ATP9B: variants seen among roughly 807,000 people sequenced by gnomAD.
ATP9B encodes the protein ATPase phospholipid transporting 9B, also known as probable phospholipid-transporting ATPase IIB.
ATP9B carries 110 observed loss-of-function variants against 146.1 expected under a neutral mutation model. That is an observed-to-expected ratio of 0.75 (90% CI 0.65 to 0.88). ATP9B has a LOEUF of 0.88. Among genes scored for constraint, ATP9B ranks in the 40% least tolerant of loss-of-function variants. The probability of loss-of-function intolerance (pLI) is 0.00; values close to 1 mark genes in which losing one functional copy is unlikely to be tolerated. For synonymous variants in ATP9B, 604 were observed against 569.7 expected, an observed-to-expected ratio of 1.06 and a Z score of -0.86; for missense variants, 1,499 against 1,496.4, an observed-to-expected ratio of 1.00 and a Z score of -0.03.
At chr18:79,376,172 A>AACAC (rs373840231) in intron 29 of ATP9B, 30,226 of 838,108 alleles carry the variant, frequency 0.036, 184 homozygotes, top group South Asian at 0.072. Context: ...CTACCTTAGA[A>AACAC]ACACACACAC....
intron 17 of ATP9B, among the ~76,000 whole-genome samples, chr18:79,335,863 G>A (rs1471215136): frequency 6.6e-6 from 1 of 152,226 alleles, no homozygotes; most frequent in Non-Finnish European, 1.5e-5. Flanking sequence ...AAATGAGGTC[G>A]TTTGCCCAAA....
chr18:79,283,574 G>A (rs2096402107), intron 13 of ATP9B, among the ~76,000 whole-genome samples: 1 of 152,144 alleles, frequency 6.6e-6, no homozygotes, highest in Non-Finnish European at 1.5e-5. Context: ...AAGCAATGTG[G>A]TATAATTAGG....
In ATP9B at chr18:79,374,010, C is replaced by CG; in HGVS notation, c.3184dup (p.Val1062GlyfsTer28). ...CCGAGCTGCTGATGGTGGCGCTGAC[C>CG]GTCCGCACGTGGCACTGGCTGATGG... On this transcript the variant is annotated frameshift_variant, in exon 28 of 30. Coordinates refer to ENST00000426216, the MANE Select transcript of ATP9B (RefSeq NM_198531.5). LOFTEE classifies it high-confidence loss of function. 6.2e-7 allele frequency: 1 copy of CG among 1,614,184 alleles called. No homozygotes were observed. Among genetic ancestry groups the CG allele is most frequent in the Non-Finnish European group, 8.5e-7 (1 of 1,180,038 alleles).
intron 13 of ATP9B, 137 bp from the exon 14 acceptor site, chr18:79,303,467 C>T (rs997085878): frequency 1.5e-5 from 8 of 528,012 alleles, no homozygotes; most frequent in African/African-American, 3.8e-5. Flanking sequence ...ACAATCTTAA[C>T]GCTACTTTGT....
intron 19 of ATP9B, among the ~76,000 whole-genome samples, chr18:79,337,994 C>T (rs182821602): frequency 6.6e-6 from 1 of 152,300 alleles, no homozygotes; most frequent in Non-Finnish European, 1.5e-5. Flanking sequence ...ATTGTGACGG[C>T]ACGTGTTCCA....
In ATP9B at chr18:79,237,271, T is replaced by G. The variant is rs575183283; in HGVS notation, c.1108-16110T>G. On this transcript the variant is annotated intron_variant, in intron 11 of 29. Transcript: ENST00000426216. ...CCGTGCACGAGTCAGTGTCCACACC[T>G]GCCCCTTCCCCACTGTGTACACGGT... 3.1e-3 allele frequency among the ~76,000 whole-genome samples: 446 copies of G among 145,908 alleles called. 3 individuals carry two copies. Among genetic ancestry groups the G allele is most frequent in the African/African-American group, 0.011 (411 of 38,998 alleles).
chr18:79,188,850 A>G (rs1042919731), intron 8 of ATP9B, among the ~76,000 whole-genome samples: 1 of 150,198 alleles, frequency 6.7e-6, no homozygotes, highest in South Asian at 2.1e-4. Context: ...CTGTAATTGA[A>G]TATTTTTAGA....
chr18:79,202,327 C>A (rs1482530996), intron 9 of ATP9B, among the ~76,000 whole-genome samples: 1 of 152,164 alleles, frequency 6.6e-6, no homozygotes, highest in Non-Finnish European at 1.5e-5. Context: ...AAATTGTAGC[C>A]AGTTTTGAAG....
At chr18:79,306,857 TC>T in intron 14 of ATP9B, 128 bp from the exon 15 acceptor site, 1 of 1,103,568 alleles carries the variant, frequency 9.1e-7, no homozygotes, top group East Asian at 2.6e-5. Context: ...TAGGAGATAA[TC>T]AGAATCAAAT....
At chr18:79,318,320 G>C (rs183702652) in intron 15 of ATP9B, among the ~76,000 whole-genome samples, 1 of 152,370 alleles carries the variant, frequency 6.6e-6, no homozygotes, top group African/African-American at 2.4e-5. Flanking sequence ...GAAAAGTCGT[G>C]TTGCTAGATG....
intron 15 of ATP9B, among the ~76,000 whole-genome samples, chr18:79,314,106 G>A (rs2096666915): frequency 1.3e-5 from 2 of 152,192 alleles, no homozygotes; most frequent in Non-Finnish European, 2.9e-5. Flanking sequence ...GCTTTATTTA[G>A]GGAAATGGTT....
rs563188308 is a variant in ATP9B, at chr18:79,295,830, C to T, written c.1412-7774C>T. Among the ~76,000 whole-genome samples, 18 of 152,278 alleles carry T rather than the reference C, an allele frequency of 1.2e-4. No homozygotes were observed. In the East Asian group the frequency reaches 3.3e-3, roughly 28 times the overall value. Reference sequence around the variant, plus strand: ...AGGGAGGCAGATTCCCTCTCCCAGCCCTGAGGACACTGCAAGAAGGCTCCA... The same window carrying T: ...AGGGAGGCAGATTCCCTCTCCCAGCTCTGAGGACACTGCAAGAAGGCTCCA... On this transcript the variant is annotated intron_variant, in intron 13 of 29. Coordinates refer to ENST00000426216, the MANE Select transcript of ATP9B (RefSeq NM_198531.5).
chr18:79,167,161 C>A (rs1046025682), intron 7 of ATP9B, among the ~76,000 whole-genome samples: 1 of 152,212 alleles, frequency 6.6e-6, no homozygotes, highest in African/African-American at 2.4e-5. Context: ...GATCTTCTCT[C>A]CTTCTCATTG....
At chr18:79,318,642 A>G (rs1816206280) in intron 15 of ATP9B, among the ~76,000 whole-genome samples, 2 of 152,176 alleles carry the variant, frequency 1.3e-5, no homozygotes, top group Admixed American at 6.5e-5. Context: ...TAAAAATGGA[A>G]CCTGCTGCTT....
chr18:79,143,068 T>C (rs1225242386), intron 5 of ATP9B, among the ~76,000 whole-genome samples: 4 of 152,032 alleles, frequency 2.6e-5, no homozygotes, highest in Non-Finnish European at 5.9e-5. Context: ...GGAAAGAGGT[T>C]GGGAGAGGCC....
intron 23 of ATP9B, among the ~76,000 whole-genome samples, chr18:79,347,103 T>TTC (rs1000380259): frequency 1.2e-4 from 18 of 152,334 alleles, no homozygotes; most frequent in Admixed American, 3.3e-4. Flanking sequence ...CCACGCACCA[T>TTC]TCTCTGTGTG....
At chr18:79,238,849 CGCGGACGCAGTGAA>C (rs2095865431) in intron 11 of ATP9B, among the ~76,000 whole-genome samples, 1 of 150,444 alleles carries the variant, frequency 6.6e-6, no homozygotes, top group Admixed American at 7.1e-5. Context: ...TGGGCAGTGA[CGCGGACGCAGTGAA>C]GCGGATGCAG....
chr18:79,369,909 G>A (rs968006949), intron 26 of ATP9B, among the ~76,000 whole-genome samples: 3 of 152,138 alleles, frequency 2.0e-5, no homozygotes, highest in Non-Finnish European at 4.4e-5. Context: ...GACCATCCTG[G>A]CCAACATGGC....
At chr18:79,333,251 G>C (rs1169037003) in intron 17 of ATP9B, among the ~76,000 whole-genome samples, 1 of 152,220 alleles carries the variant, frequency 6.6e-6, no homozygotes, top group African/African-American at 2.4e-5. Flanking sequence ...CAAAGTCCCA[G>C]CTGTCTGGGC....
Sources: allele counts gnomAD v4.1 joint callset (sites outside exome capture counted in the v4.1 genomes callset), GRCh38; gene constraint gnomAD v4.1.1; transcripts MANE v1.5; gene names NCBI Gene and HGNC (gene_info 2026-07-23, HGNC 2026-07-21).